Variants in DISC1 observed in about 807,000 individuals in gnomAD.
DISC1 encodes the protein DISC1 scaffold protein, also known as disrupted in schizophrenia 1 protein.
In DISC1, 57 loss-of-function variants were observed where a neutral mutation model predicts 84.5. That is an observed-to-expected ratio of 0.67 (90% CI 0.55 to 0.84). DISC1 has a LOEUF of 0.84. DISC1 is among the 40% of genes least tolerant of loss of function. The pLI, the probability that DISC1 is intolerant of heterozygous loss-of-function variation, is 0.00. For missense variants in DISC1, 1,000 were observed against 1,057.8 expected, an observed-to-expected ratio of 0.95 and a Z score of 0.76; for synonymous variants, 411 against 415.2, an observed-to-expected ratio of 0.99 and a Z score of 0.12.
At chr1:231,783,322 T>C (rs1166215177) in intron 6 of DISC1, among the ~76,000 whole-genome samples, 2 of 152,174 alleles carry the variant, frequency 1.3e-5, no homozygotes, top group African/African-American at 4.8e-5. Context: ...TTTATTTCCT[T>C]ATTATTGTAA....
At chr1:232,005,414 A>G (rs1351568402) in intron 10 of DISC1, among the ~76,000 whole-genome samples, 5 of 152,038 alleles carry the variant, frequency 3.3e-5, no homozygotes, top group Non-Finnish European at 7.4e-5. Flanking sequence ...TGTCATCCAT[A>G]TTTTTGTTCC....
chr1:231,992,923 C>G (rs6662420), intron 10 of DISC1, among the ~76,000 whole-genome samples: 2 of 152,014 alleles, frequency 1.3e-5, no homozygotes, highest in Non-Finnish European at 2.9e-5. Context: ...AAAATGAATA[C>G]GAAATATTCC....
chr1:231,883,508 G>A (rs535123448), intron 9 of DISC1, among the ~76,000 whole-genome samples: 1 of 152,116 alleles, frequency 6.6e-6, no homozygotes, highest in South Asian at 2.1e-4. Context: ...GAGTTGCCAG[G>A]TGCTGGGTCC....
chr1:232,000,006 T>G (rs972965321), intron 10 of DISC1, among the ~76,000 whole-genome samples: 7 of 152,052 alleles, frequency 4.6e-5, no homozygotes, highest in African/African-American at 1.4e-4. Context: ...AATAAAAAAA[T>G]TAAATGGAAC....
chr1:231,940,327 G>A (rs1038707389), intron 9 of DISC1, among the ~76,000 whole-genome samples: 3 of 152,176 alleles, frequency 2.0e-5, no homozygotes, highest in African/African-American at 4.8e-5. Context: ...CATACCTGCC[G>A]AGTGAGTGAA....
intron 8 of DISC1, among the ~76,000 whole-genome samples, chr1:231,806,965 C>A (rs2079781919): frequency 6.6e-6 from 1 of 152,244 alleles, no homozygotes; most frequent in Non-Finnish European, 1.5e-5. Flanking sequence ...GTTTCCTTCT[C>A]TGGAATGGTG....
In DISC1 at chr1:231,650,151, C is replaced by A. The variant is rs188222282; in HGVS notation, c.67+23217C>A. 1.6e-3 allele frequency among the ~76,000 whole-genome samples: 250 copies of A among 152,276 alleles called. 1 individual carries two copies. The highest frequency in any genetic ancestry group is 3.1e-3 in the Non-Finnish European group (211 of 68,018). ...ACCTGTTAGTTGATGCAGTTTCTTC[C>A]TAGCATTGATGGTCTTTACAGTTTG... On this transcript the variant is annotated intron_variant, in intron 1 of 12. Transcript: ENST00000439617.
chr1:231,768,012 C>T (rs112252943), intron 5 of DISC1, among the ~76,000 whole-genome samples: 4 of 152,228 alleles, frequency 2.6e-5, no homozygotes, highest in African/African-American at 9.6e-5. Context: ...AATGATTAGC[C>T]GGCTGCTTGG....
chr1:232,036,091 A>G (rs1482247785), intron 12 of DISC1, among the ~76,000 whole-genome samples: 1 of 152,170 alleles, frequency 6.6e-6, no homozygotes, highest in Admixed American at 6.5e-5. Flanking sequence ...CTGGGAATAT[A>G]CTAACAGATA....
At chr1:231,781,051 C>G (rs1363482394) in intron 6 of DISC1, among the ~76,000 whole-genome samples, 2 of 148,860 alleles carry the variant, frequency 1.3e-5, no homozygotes, top group Non-Finnish European at 3.0e-5. Flanking sequence ...TGGAGATATA[C>G]CTAATGCTAG....
At chr1:231,904,842 G>A (rs1399804885) in intron 9 of DISC1, among the ~76,000 whole-genome samples, 1 of 152,070 alleles carries the variant, frequency 6.6e-6, no homozygotes, top group East Asian at 1.9e-4. Flanking sequence ...CATGCAAAAG[G>A]ATCCCAAAGT....
intron 9 of DISC1, among the ~76,000 whole-genome samples, chr1:231,927,031 G>C (rs982259138): frequency 3.3e-5 from 5 of 152,228 alleles, no homozygotes; most frequent in Admixed American, 3.3e-4. Flanking sequence ...TGTGGTGAGA[G>C]TTTTGGCTGC....
chr1:231,809,988 GTAAAA>G (rs1292103444), intron 8 of DISC1, among the ~76,000 whole-genome samples: 7 of 150,626 alleles, frequency 4.6e-5, no homozygotes, highest in African/African-American at 1.0e-4. Context: ...AGGTAACTTT[GTAAAA>G]TAACCCCTAA....
intron 6 of DISC1, among the ~76,000 whole-genome samples, chr1:231,789,506 G>A (rs1000715858): frequency 6.6e-6 from 1 of 152,216 alleles, no homozygotes; most frequent in Non-Finnish European, 1.5e-5. Flanking sequence ...AGGAGTGAGG[G>A]TGAACGCAGA....
intron 1 of DISC1, among the ~76,000 whole-genome samples, chr1:231,637,008 T>C (rs1263009849): frequency 6.6e-6 from 1 of 152,130 alleles, no homozygotes; most frequent in Non-Finnish European, 1.5e-5. Context: ...CCTGTGTCCA[T>C]GTGTTCTCAT....
chr1:231,721,272 A>T (rs534358370), intron 3 of DISC1, among the ~76,000 whole-genome samples: 70 of 152,290 alleles, frequency 4.6e-4, no homozygotes, highest in African/African-American at 1.6e-3. Context: ...TCTGCTTTTT[A>T]TTCTTTTCCA....
At chr1:231,728,844 A>G (rs1263115251) in intron 3 of DISC1, among the ~76,000 whole-genome samples, 1 of 152,070 alleles carries the variant, frequency 6.6e-6, no homozygotes, top group African/African-American at 2.4e-5. Flanking sequence ...AGAGGCATAT[A>G]TATATATTTT....
intron 10 of DISC1, among the ~76,000 whole-genome samples, chr1:231,961,614 A>C (rs1572365356): frequency 6.6e-6 from 1 of 152,266 alleles, no homozygotes; most frequent in African/African-American, 2.4e-5. Context: ...TCCCACTTGC[A>C]AGTGAGAACA....
chr1:232,020,139 C>T (rs1423165173), intron 11 of DISC1, among the ~76,000 whole-genome samples: 6 of 151,978 alleles, frequency 3.9e-5, no homozygotes, highest in South Asian at 2.1e-4. Flanking sequence ...ATCGGGAGTT[C>T]GAGACCAGCC....
Sources: gnomAD v4.1 joint callset for allele counts (sites outside exome capture counted in the v4.1 genomes callset) on GRCh38, gnomAD v4.1.1 for gene constraint, MANE v1.5 for transcripts, NCBI Gene and HGNC (gene_info 2026-07-23, HGNC 2026-07-21) for gene names.